The following CHD9 variants were observed in gnomAD, a reference collection of about 807,000 sequenced individuals.
The protein encoded by CHD9 is ATP-dependent chromatin remodeler CHD9.
In CHD9, 77 loss-of-function variants were observed where a neutral mutation model predicts 316.1. The observed-to-expected ratio is 0.24, with a 90% confidence interval of 0.20 to 0.29. CHD9 has a LOEUF of 0.29. CHD9 is among the 10% of genes least tolerant of loss of function. The pLI, the probability that CHD9 is intolerant of heterozygous loss-of-function variation, is 1.00. For synonymous variants in CHD9, 1,129 were observed against 1,158.3 expected (o/e 0.97, Z 0.51); for missense variants, 2,763 against 3,438.1 (o/e 0.80, Z 4.91).
In CHD9 at chr16:53,078,955, G is replaced by C. The variant is rs889952072; in HGVS notation, c.-165+23878G>C. Among the ~76,000 whole-genome samples the C allele has an allele frequency of 2.0e-5, 3 of 152,280 alleles. 1 individual carries two copies. The highest frequency in any genetic ancestry group is 1.9e-4 in the East Asian group (1 of 5,182). On this transcript the variant is annotated intron_variant, in intron 1 of 38. Coordinates refer to ENST00000447540, the MANE Select transcript of CHD9 (RefSeq NM_001308319.2). ...CTGCTTATTTACCCGCCTCCTGCCT[G>C]CAGAGGTCAGAGGTTGCCTGAATAT...
At chr16:53,142,366 T>C (rs2040189325) in intron 1 of CHD9, among the ~76,000 whole-genome samples, 1 of 152,194 alleles carries the variant, frequency 6.6e-6, no homozygotes, top group African/African-American at 2.4e-5. Flanking sequence ...CCTCGCAAAG[T>C]GCTAGGATTA....
intron 1 of CHD9, among the ~76,000 whole-genome samples, chr16:53,150,943 T>G (rs956819128): frequency 6.6e-6 from 1 of 152,168 alleles, no homozygotes; most frequent in Admixed American, 6.5e-5. Context: ...TGTTACGATG[T>G]GATCTCTTAG....
rs2057025742 is a variant in CHD9, at chr16:53,318,268, C to T, written c.7641C>T (p.Pro2547=). The change falls in exon 37 of 39, where the codon CCC becomes CCT. Residue 2547 remains proline, a synonymous_variant. Coordinates refer to ENST00000447540, the MANE Select transcript of CHD9 (RefSeq NM_001308319.2). ...PKQKRHRCRN[P]NKLDVNSLTG... ...AAAAAAGACACCGTTGCAGAAACCC[C>T]AATAAACTAGATGTGAATAGTCTCA... 2 of 1,612,796 alleles carry T rather than the reference C, an allele frequency of 1.2e-6. No homozygotes were observed. Among genetic ancestry groups the T allele is most frequent in the Admixed American group, 3.3e-5 (2 of 59,938 alleles).
chr16:53,230,464 A>T (rs541370650), intron 8 of CHD9, among the ~76,000 whole-genome samples: 6 of 152,122 alleles, frequency 3.9e-5, no homozygotes, highest in South Asian at 2.1e-4. Flanking sequence ...TATTTTTTTT[A>T]AAAAAAGATG....
intron 36 of CHD9, among the ~76,000 whole-genome samples, chr16:53,315,662 A>G (rs1236252300): frequency 6.6e-6 from 1 of 152,122 alleles, no homozygotes; most frequent in Non-Finnish European, 1.5e-5. Flanking sequence ...TATTTTTCAT[A>G]GAAACAGGGT....
At chr16:53,235,715 T>C (rs1056903191) in intron 11 of CHD9, among the ~76,000 whole-genome samples, 1 of 152,146 alleles carries the variant, frequency 6.6e-6, no homozygotes. Flanking sequence ...AAGAAGTAGG[T>C]TGTCAGCAAT....
intron 36 of CHD9, 27 bp from the exon 37 acceptor site, chr16:53,318,185 A>C: frequency 1.3e-6 from 2 of 1,577,140 alleles, no homozygotes; most frequent in Non-Finnish European, 1.7e-6. Context: ...AAGACTTTAA[A>C]GATATGTCTT....
At chr16:53,101,921 G>C (rs1389625953) in intron 1 of CHD9, among the ~76,000 whole-genome samples, 1 of 152,166 alleles carries the variant, frequency 6.6e-6, no homozygotes, top group Non-Finnish European at 1.5e-5. Flanking sequence ...TCTGAAATTT[G>C]TAGAGAGATC....
intron 1 of CHD9, among the ~76,000 whole-genome samples, chr16:53,096,635 A>G (rs976120572): frequency 1.3e-5 from 2 of 152,198 alleles, no homozygotes; most frequent in Non-Finnish European, 2.9e-5. Flanking sequence ...TAGCTACTAT[A>G]TTATAGGTGC....
chr16:53,226,394 GA>G lies in CHD9; in HGVS notation c.1932del (p.Lys644AsnfsTer6). The G allele has an allele frequency of 1.9e-6, 3 of 1,575,866 alleles. No individual in the cohort carries two copies. Among genetic ancestry groups the G allele is most frequent in the Admixed American group, 2.0e-5 (1 of 50,696 alleles). On this transcript the variant is annotated frameshift_variant, in exon 5 of 39. Coordinates refer to ENST00000447540, the MANE Select transcript of CHD9 (RefSeq NM_001308319.2). LOFTEE classifies it high-confidence loss of function. ...QKRRSNRQIKRKKYAEDIEGK... is the reference protein window; with the variant it reads ...QKRRSNRQIKXKKYAEDIEGK... ...AGAAGATCAAATCGACAAATTAAAA[GA>G]AAAAAATACGCAGAAGATATAGAAG...
chr16:53,301,852 G>GC (rs975819376), intron 30 of CHD9, among the ~76,000 whole-genome samples: 3 of 145,102 alleles, frequency 2.1e-5, no homozygotes, highest in African/African-American at 7.7e-5. Flanking sequence ...TGCAAGCTCC[G>GC]CCCCCGGGTT....
intron 24 of CHD9, among the ~76,000 whole-genome samples, chr16:53,275,027 T>G (rs1368843619): frequency 6.6e-6 from 1 of 152,018 alleles, no homozygotes; most frequent in Non-Finnish European, 1.5e-5. Flanking sequence ...TTTTATTTAT[T>G]TGTTTGTTTA....
At chr16:53,266,775 A>G (rs1164062356) in intron 20 of CHD9, among the ~76,000 whole-genome samples, 1 of 152,188 alleles carries the variant, frequency 6.6e-6, no homozygotes, top group Non-Finnish European at 1.5e-5. Context: ...AATCGAACAT[A>G]CTGAGGTTGA....
chr16:53,212,404 CAAA>C (rs35876552), intron 3 of CHD9, among the ~76,000 whole-genome samples: 5 of 124,228 alleles, frequency 4.0e-5, no homozygotes, highest in South Asian at 2.5e-4. Flanking sequence ...GATTCCATCT[CAAA>C]AAAAAAAAAA....
chr16:53,310,212 T>A (rs2056345005), intron 34 of CHD9, among the ~76,000 whole-genome samples: 1 of 152,232 alleles, frequency 6.6e-6, no homozygotes, highest in Non-Finnish European at 1.5e-5. Flanking sequence ...GCACTTCAAA[T>A]ATGAATCACC....
At chr16:53,092,923 C>T (rs566918296) in intron 1 of CHD9, among the ~76,000 whole-genome samples, 84 of 152,228 alleles carry the variant, frequency 5.5e-4, no homozygotes, top group Non-Finnish European at 5.0e-4. Flanking sequence ...GGACTACAGG[C>T]GTGCACCACC....
In CHD9 at chr16:53,253,632, G is replaced by A. The variant is rs575225496; in HGVS notation, c.3862-806G>A. 3.7e-4 allele frequency among the ~76,000 whole-genome samples: 57 copies of A among 152,150 alleles called. 1 individual carries two copies. In the South Asian group the frequency reaches 4.8e-3, roughly 13 times the overall value. ...AATAAAATATATTGAAAAGATTGTTGATAATGTAATTGAAAAAAATTTAGA... is the reference window on the plus strand; with the variant it reads ...AATAAAATATATTGAAAAGATTGTTAATAATGTAATTGAAAAAAATTTAGA... On this transcript the variant is annotated intron_variant, in intron 17 of 38. Coordinates refer to ENST00000447540, the MANE Select transcript of CHD9 (RefSeq NM_001308319.2).
At chr16:53,199,443 A>C (rs1343132017) in intron 2 of CHD9, among the ~76,000 whole-genome samples, 2 of 152,138 alleles carry the variant, frequency 1.3e-5, no homozygotes, top group Non-Finnish European at 2.9e-5. Flanking sequence ...TGTTTTACTT[A>C]AAGTCATGTT....
intron 1 of CHD9, among the ~76,000 whole-genome samples, chr16:53,088,894 A>T (rs1350056784): frequency 6.6e-6 from 1 of 151,978 alleles, no homozygotes; most frequent in Non-Finnish European, 1.5e-5. Context: ...CAGGCGGATC[A>T]TGAGGTCAGG....
Sources: gnomAD v4.1 joint callset for allele counts (sites outside exome capture counted in the v4.1 genomes callset) on GRCh38, gnomAD v4.1.1 for gene constraint, MANE v1.5 for transcripts, NCBI Gene and HGNC (gene_info 2026-07-23, HGNC 2026-07-21) for gene names.